The following NR2C1 variants were observed in gnomAD, a reference collection of about 807,000 sequenced individuals.
The protein encoded by NR2C1 is nuclear receptor subfamily 2 group C member 1.
NR2C1 carries 33 observed loss-of-function variants against 74.8 expected under a neutral mutation model. The observed-to-expected ratio is 0.44, with a 90% CI of 0.33 to 0.59. The LOEUF is 0.59. Among genes scored for constraint, NR2C1 ranks in the 20% least tolerant of loss-of-function variants. The probability of loss-of-function intolerance (pLI) is 0.02; values close to 1 mark genes in which losing one functional copy is unlikely to be tolerated. For missense variants in NR2C1, 568 were observed against 715.6 expected (o/e 0.79, Z 2.35); for synonymous variants, 225 against 240.6 (o/e 0.94, Z 0.60).
intron 13 of NR2C1, among the ~76,000 whole-genome samples, chr12:95,022,700 A>ATTTTT (rs373684275): frequency 1.1e-4 from 16 of 143,348 alleles, no homozygotes; most frequent in African/African-American, 2.6e-4. Flanking sequence ...AAGTTATACA[A>ATTTTT]TTTTTTTTTT....
At chr12:95,047,444 A>G (rs1039156429) in intron 9 of NR2C1, among the ~76,000 whole-genome samples, 8 of 152,190 alleles carry the variant, frequency 5.3e-5, no homozygotes, top group African/African-American at 1.9e-4. Flanking sequence ...CTTCACTGAT[A>G]TATTTTATTG....
chr12:95,038,617 G>C (rs1169527324), intron 10 of NR2C1, among the ~76,000 whole-genome samples: 1 of 152,188 alleles, frequency 6.6e-6, no homozygotes, highest in Non-Finnish European at 1.5e-5. Flanking sequence ...AATTAGCTGG[G>C]CTTGGTGGTG....
intron 2 of NR2C1, among the ~76,000 whole-genome samples, chr12:95,064,830 A>C (rs1185971045): frequency 6.6e-6 from 1 of 152,154 alleles, no homozygotes; most frequent in East Asian, 1.9e-4. Flanking sequence ...TTCTGTACCA[A>C]ATTTTTTCTA....
intron 3 of NR2C1, among the ~76,000 whole-genome samples, chr12:95,061,316 A>G (rs1477877685): frequency 6.6e-6 from 1 of 152,234 alleles, no homozygotes; most frequent in Non-Finnish European, 1.5e-5. Context: ...TTAACAATGT[A>G]TCAGTATTGC....
At chr12:95,068,179 C>T (rs935056128) in intron 1 of NR2C1, among the ~76,000 whole-genome samples, 2 of 152,108 alleles carry the variant, frequency 1.3e-5, no homozygotes, top group East Asian at 1.9e-4. Context: ...CACCCGGCCC[C>T]AGCCCTCCAT....
chr12:95,072,717 A>G (rs1876887281), intron 1 of NR2C1: 2 of 152,372 alleles, frequency 1.3e-5, no homozygotes, highest in Non-Finnish European at 1.5e-5. Flanking sequence ...ATTATTTCTT[A>G]ACAAAAGAGC....
chr12:95,061,313 T>C (rs1291809960), intron 3 of NR2C1, among the ~76,000 whole-genome samples: 1 of 152,194 alleles, frequency 6.6e-6, no homozygotes, highest in Non-Finnish European at 1.5e-5. Flanking sequence ...CAGTTAACAA[T>C]GTATCAGTAT....
chr12:95,049,188 T>G lies in NR2C1; in HGVS notation c.1011A>C (p.Thr337=). 6.2e-7 allele frequency: 1 copy of G among 1,614,166 alleles called. No homozygotes were observed. Among genetic ancestry groups the G allele is most frequent in the Non-Finnish European group, 8.5e-7 (1 of 1,179,976 alleles). ...TGCCCGCTACTGAGCTCTGGCAGGC[T>G]GTGCTCTCTCCAGGATTCAATGCTT... ...LAKALNPGES[T]ACQSSVAGME... Residue 337 remains threonine, a synonymous_variant, in exon 9 of 14, where the codon ACA becomes ACC. Transcript: ENST00000333003.
chr12:95,067,815 G>C (rs368045498), intron 1 of NR2C1, among the ~76,000 whole-genome samples: 1 of 150,878 alleles, frequency 6.6e-6, no homozygotes, highest in African/African-American at 2.4e-5. Flanking sequence ...TTCCTGTCTC[G>C]ACCTCCCAAG....
intron 8 of NR2C1, among the ~76,000 whole-genome samples, chr12:95,050,933 A>G (rs1019446864): frequency 3.9e-5 from 6 of 152,186 alleles, no homozygotes; most frequent in Admixed American, 3.3e-4. Context: ...CAGGATCAAT[A>G]TGATTGCCTA....
rs1170627690 is a variant in NR2C1, at chr12:95,040,623, ATTATC to A, written c.1132-31_1132-27del. Reference sequence around the variant, plus strand: ...CTAGTATGAACAGGGATTTAGGTAAATTATCTTATGACTGAAAAGTTCTAAATTAT... The same window carrying A: ...CTAGTATGAACAGGGATTTAGGTAAATTATGACTGAAAAGTTCTAAATTAT... On this transcript the variant is annotated intron_variant, in intron 9 of 13. Coordinates refer to ENST00000333003, the MANE Select transcript of NR2C1 (RefSeq NM_003297.4). The A allele has an allele frequency of 3.8e-6, 6 of 1,566,912 alleles. No homozygotes were observed. In the South Asian group the frequency reaches 5.9e-5, roughly 15 times the overall value.
chr12:95,026,873 C>G (rs1221452234), intron 12 of NR2C1: 1 of 152,040 alleles, frequency 6.6e-6, no homozygotes, highest in Non-Finnish European at 1.5e-5. Context: ...TGTAAACTGG[C>G]AGGAAAACAA....
At chr12:95,059,640 G>A (rs1874443398) in intron 4 of NR2C1, among the ~76,000 whole-genome samples, 1 of 152,172 alleles carries the variant, frequency 6.6e-6, no homozygotes, top group African/African-American at 2.4e-5. Context: ...GAATCCAGGA[G>A]GTAGAGGCTG....
At chr12:95,030,656 G>A (rs1869973107) in intron 11 of NR2C1, 3 of 1,609,692 alleles carry the variant, frequency 1.9e-6, no homozygotes, top group African/African-American at 1.3e-5. Flanking sequence ...GGAAGCAAAT[G>A]ATTTAAAAAT....
At chr12:95,032,445 G>A (rs1303196888) in intron 10 of NR2C1, among the ~76,000 whole-genome samples, 4 of 143,390 alleles carry the variant, frequency 2.8e-5, no homozygotes, top group South Asian at 2.1e-4. Flanking sequence ...GTGACACAGC[G>A]AGACTCCGTC....
Position 95,057,818 on chromosome 12 carries a change from G to A in NR2C1, c.605C>T (p.Ala202Val), listed in dbSNP as rs1223938151. The change falls in exon 6 of 14, where the codon GCT becomes GTT. Residue 202 changes from alanine (A) to valine (V), a missense_variant. Coordinates refer to ENST00000333003, the MANE Select transcript of NR2C1 (RefSeq NM_003297.4). ...VSREKSSNCA[A>V]STEKIYIRKD... ...TCGGATATAGATTTTTTCTGTTGAA[G>A]CGGCACAGTTGGAAGATTTTTCTCG... 6.2e-6 allele frequency: 10 copies of A among 1,614,048 alleles called. No homozygotes were observed. The highest frequency in any genetic ancestry group is 7.6e-6 in the Non-Finnish European group (9 of 1,179,924).
chr12:95,050,995 A>G (rs1228008585), intron 8 of NR2C1, among the ~76,000 whole-genome samples: 2 of 152,144 alleles, frequency 1.3e-5, no homozygotes, highest in South Asian at 4.1e-4. Flanking sequence ...AGAAGAAAAA[A>G]TTCCTAGGTT....
chr12:95,073,172 G>A (rs1033784007), intron 1 of NR2C1, among the ~76,000 whole-genome samples: 1 of 152,218 alleles, frequency 6.6e-6, no homozygotes, highest in Non-Finnish European at 1.5e-5. Flanking sequence ...CCTCTCCCGG[G>A]GCCCCGCGCA....
At chr12:95,064,023 C>T (rs1446930581) in intron 2 of NR2C1, among the ~76,000 whole-genome samples, 88 of 79,530 alleles carry the variant, frequency 1.1e-3, no homozygotes, top group Non-Finnish European at 3.8e-4. Flanking sequence ...AGGACTCTGC[C>T]TCAAAAAAAA....
Sources: allele counts gnomAD v4.1 joint callset (sites outside exome capture counted in the v4.1 genomes callset), GRCh38; gene constraint gnomAD v4.1.1; transcripts MANE v1.5; gene names NCBI Gene and HGNC (gene_info 2026-07-23, HGNC 2026-07-21).